LRP1B: variants seen among roughly 807,000 people sequenced by gnomAD.
LRP1B encodes the protein low-density lipoprotein receptor-related protein 1B.
Under a neutral mutation model 556.6 loss-of-function variants are expected in LRP1B, and 217 were observed. That is an observed-to-expected ratio of 0.39 (90% CI 0.35 to 0.44). The LOEUF is 0.44. Among genes scored for constraint, LRP1B ranks in the 20% least tolerant of loss-of-function variants. The pLI is 1.00. For missense variants in LRP1B, 5,053 were observed against 5,620.8 expected, an observed-to-expected ratio of 0.90 and a Z score of 3.23; for synonymous variants, 2,047 against 1,865.8, an observed-to-expected ratio of 1.10 and a Z score of -2.50.
chr2:140,911,765 T>A (rs1395862963), intron 21 of LRP1B, among the ~76,000 whole-genome samples: 3 of 151,834 alleles, frequency 2.0e-5, no homozygotes, highest in Non-Finnish European at 4.4e-5. Flanking sequence ...TTTATCAAAA[T>A]GCAACTTCCT....
At chr2:141,041,669 T>C (rs558539256) in intron 11 of LRP1B, among the ~76,000 whole-genome samples, 3 of 152,116 alleles carry the variant, frequency 2.0e-5, no homozygotes, top group Non-Finnish European at 4.4e-5. Context: ...TCTCTAGCAC[T>C]GCAAGGAGTG....
chr2:141,432,761 T>C (rs1426885138), intron 3 of LRP1B, among the ~76,000 whole-genome samples: 1 of 152,034 alleles, frequency 6.6e-6, no homozygotes, highest in African/African-American at 2.4e-5. Flanking sequence ...GTCCCCTCCT[T>C]TACTCTTGAT....
chr2:141,126,536 G>A (rs1701216567), intron 7 of LRP1B, among the ~76,000 whole-genome samples: 1 of 152,044 alleles, frequency 6.6e-6, no homozygotes, highest in Non-Finnish European at 1.5e-5. Flanking sequence ...CTCAAGCCTG[G>A]AACTTCATTG....
rs1553520395 is a variant in LRP1B, at chr2:142,130,786, C to CGGCGGG, written c.-58_-57insCCCGCC. ...AGACTGCTCGGCGGCACCTTCGGCC[C>CGGCGGG]GGCGGCGGCGGCGGCGGCAGGGGCC... On this transcript the variant is annotated 5_prime_UTR_variant, in exon 1 of 91. Transcript: ENST00000389484. The CGGCGGG allele has an allele frequency of 8.6e-7, 1 of 1,163,384 alleles. No homozygotes were observed. Among genetic ancestry groups the CGGCGGG allele is most frequent in the Non-Finnish European group, 1.2e-6 (1 of 815,776 alleles). The allele number at this position is 1,163,384 out of a possible 1,614,324, so 72.1% of individuals were successfully genotyped here.
chr2:140,966,121 A>G (rs1230518183), intron 18 of LRP1B, among the ~76,000 whole-genome samples: 1 of 152,206 alleles, frequency 6.6e-6, no homozygotes, highest in Non-Finnish European at 1.5e-5. Flanking sequence ...ATCCTTGAGG[A>G]ATCACCACAC....
chr2:142,067,341 G>T (rs188453956), intron 1 of LRP1B, among the ~76,000 whole-genome samples: 1 of 150,960 alleles, frequency 6.6e-6, no homozygotes, highest in East Asian at 2.0e-4. Flanking sequence ...AGCATAGACA[G>T]ATAAAAAAAA....
intron 37 of LRP1B, among the ~76,000 whole-genome samples, chr2:140,712,894 T>C (rs1163940826): frequency 6.6e-6 from 1 of 152,054 alleles, no homozygotes; most frequent in African/African-American, 2.4e-5. Context: ...ACTTTTACAG[T>C]TCAGTAATTT....
chr2:141,689,521 C>T (rs555452177), intron 2 of LRP1B, among the ~76,000 whole-genome samples: 141 of 151,178 alleles, frequency 9.3e-4, no homozygotes, highest in African/African-American at 3.1e-3. Flanking sequence ...CACTTTGTAG[C>T]AAATATGTAT....
intron 1 of LRP1B, among the ~76,000 whole-genome samples, chr2:141,915,510 G>C (rs1700007893): frequency 6.6e-6 from 1 of 152,074 alleles, no homozygotes; most frequent in Non-Finnish European, 1.5e-5. Flanking sequence ...ATACCATTCT[G>C]GACTTTGGCC....
At chr2:142,103,583 A>C (rs1706641141) in intron 1 of LRP1B, among the ~76,000 whole-genome samples, 1 of 151,982 alleles carries the variant, frequency 6.6e-6, no homozygotes. Flanking sequence ...AGTCACTTGT[A>C]ATGTACAAAT....
In LRP1B at chr2:141,541,717, T is replaced by C. The variant is rs144484819; in HGVS notation, c.206-61184A>G. 2.5e-3 allele frequency among the ~76,000 whole-genome samples: 375 copies of C among 152,172 alleles called. 2 individuals are homozygous for C. The highest frequency in any genetic ancestry group is 8.7e-3 in the African/African-American group (362 of 41,578). On this transcript the variant is annotated intron_variant, in intron 2 of 90. Coordinates refer to ENST00000389484, the MANE Select transcript of LRP1B (RefSeq NM_018557.3). The stretch of plus-strand genomic sequence containing the variant: ...AGTTAACTTGGAGTACGTCTCTGGC[T>C]AAAATAAATAAATGTAAACAATATT...
intron 32 of LRP1B, among the ~76,000 whole-genome samples, chr2:140,805,126 A>G (rs1297003615): frequency 6.6e-6 from 1 of 152,152 alleles, no homozygotes; most frequent in Non-Finnish European, 1.5e-5. Flanking sequence ...TTAGACTGTG[A>G]CATGAGTCTG....
chr2:140,763,051 G>C (rs975675588), intron 35 of LRP1B, among the ~76,000 whole-genome samples: 2 of 152,074 alleles, frequency 1.3e-5, no homozygotes, highest in African/African-American at 4.8e-5. Context: ...CTAAGTATCA[G>C]AGTATGGAGT....
chr2:141,576,028 T>C (rs1400720814), intron 2 of LRP1B, among the ~76,000 whole-genome samples: 2 of 152,170 alleles, frequency 1.3e-5, no homozygotes, highest in African/African-American at 4.8e-5. Context: ...GAAGACATTG[T>C]GGAAGGCAAT....
At chr2:141,297,708 A>G (rs992802) in intron 3 of LRP1B, among the ~76,000 whole-genome samples, 2,659 of 152,256 alleles carry the variant, frequency 0.017, 72 homozygotes, top group African/African-American at 0.06. Context: ...TTATATTTGT[A>G]CATTGCAAAA....
In LRP1B at chr2:140,536,405, G is replaced by A. The variant is rs139808240; in HGVS notation, c.7642+176C>T. On this transcript the variant is annotated intron_variant, in intron 46 of 90. Transcript: ENST00000389484. Reference sequence around the variant, plus strand: ...TAGTGAATATCATGGCTATCAAACAGGAGATAAAGTACCTCATTTTAACAC... The same window carrying A: ...TAGTGAATATCATGGCTATCAAACAAGAGATAAAGTACCTCATTTTAACAC... 9.8e-3 allele frequency among the ~76,000 whole-genome samples: 1,421 copies of A among 145,252 alleles called. 12 individuals carry two copies. The highest frequency in any genetic ancestry group is 0.013 in the Middle Eastern group (3 of 240).
At chr2:141,488,136 G>A (rs1385618364) in intron 2 of LRP1B, among the ~76,000 whole-genome samples, 3 of 151,882 alleles carry the variant, frequency 2.0e-5, no homozygotes, top group Non-Finnish European at 4.4e-5. Flanking sequence ...TATCATATAT[G>A]CATGGTTGCA....
At chr2:141,690,974 G>GTAATT (rs1485515688) in intron 2 of LRP1B, among the ~76,000 whole-genome samples, 3 of 151,902 alleles carry the variant, frequency 2.0e-5, no homozygotes, top group South Asian at 4.2e-4. Context: ...AAGAGCAAAT[G>GTAATT]TAATTTAATT....
At chr2:141,491,957 A>T (rs539318387) in intron 2 of LRP1B, among the ~76,000 whole-genome samples, 16 of 152,110 alleles carry the variant, frequency 1.1e-4, no homozygotes, top group African/African-American at 3.9e-4. Flanking sequence ...AAGGCATGCT[A>T]ATGTCAGCTG....
Sources: allele counts gnomAD v4.1 joint callset (sites outside exome capture counted in the v4.1 genomes callset), GRCh38; gene constraint gnomAD v4.1.1; transcripts MANE v1.5; gene names NCBI Gene and HGNC (gene_info 2026-07-23, HGNC 2026-07-21).